MIPOL1: variants seen among roughly 807,000 people sequenced by gnomAD.
The protein encoded by MIPOL1 is mirror-image polydactyly 1, also known as mirror-image polydactyly gene 1 protein.
MIPOL1 carries 57 observed loss-of-function variants against 60.9 expected under a neutral mutation model. That is an observed-to-expected ratio of 0.94 (90% CI 0.76 to 1.17). MIPOL1 has a LOEUF of 1.17. MIPOL1 is among the 50% of genes most tolerant of loss of function. The pLI is 0.00. For synonymous variants in MIPOL1, 179 were observed against 168.8 expected (o/e 1.06, Z -0.47); for missense variants, 551 against 511.6 (o/e 1.08, Z -0.74).
intron 10 of MIPOL1, among the ~76,000 whole-genome samples, chr14:37,407,134 TTAAAA>T (rs1378572729): frequency 6.6e-6 from 1 of 152,150 alleles, no homozygotes; most frequent in Non-Finnish European, 1.5e-5. Flanking sequence ...TATAGAGTTG[TTAAAA>T]TAAATGATAG....
At chr14:37,418,967 C>A (rs1195653654) in intron 10 of MIPOL1, among the ~76,000 whole-genome samples, 1 of 151,974 alleles carries the variant, frequency 6.6e-6, no homozygotes, top group Non-Finnish European at 1.5e-5. Flanking sequence ...TGCACACTTA[C>A]CACAGGACTC....
chr14:37,527,926 A>C (rs2095457540), intron 12 of MIPOL1, among the ~76,000 whole-genome samples: 2 of 152,016 alleles, frequency 1.3e-5, no homozygotes, highest in Admixed American at 6.6e-5. Context: ...TAAGATCCTA[A>C]AACCCTTGGA....
intron 1 of MIPOL1, among the ~76,000 whole-genome samples, chr14:37,231,007 T>G (rs901410105): frequency 1.3e-5 from 2 of 152,182 alleles, no homozygotes; most frequent in African/African-American, 4.8e-5. Context: ...TACAGTTGAT[T>G]GGTGGAGTTA....
intron 11 of MIPOL1, among the ~76,000 whole-genome samples, chr14:37,426,617 T>G (rs1457960408): frequency 2.9e-5 from 3 of 103,844 alleles, no homozygotes; most frequent in Non-Finnish European, 6.1e-5. Flanking sequence ...ACATATATAA[T>G]ATGTATATAT....
chr14:37,205,470 GTTTTT>G (rs879260407), intron 1 of MIPOL1, among the ~76,000 whole-genome samples: 3 of 146,142 alleles, frequency 2.1e-5, no homozygotes, highest in Non-Finnish European at 4.5e-5. Context: ...AACACATTCA[GTTTTT>G]TTTTTTTAAT....
At position 37,550,616 on chromosome 14, in the gene MIPOL1, G is replaced by T. The variant is rs2095559570; in HGVS notation, c.*3645G>T. 1 of 152,288 alleles carries T rather than the reference G, an allele frequency of 6.6e-6. No individual in the cohort carries two copies. Among genetic ancestry groups the T allele is most frequent in the African/African-American group, 2.4e-5 (1 of 41,316 alleles). The allele number at this position is 152,288 out of a possible 1,614,324, so 9.4% of individuals were successfully genotyped here. A position where few individuals can be genotyped will look rare whatever the true frequency, so the allele number is the denominator to read the frequency against. On this transcript the variant is annotated 3_prime_UTR_variant, in exon 13 of 13. Coordinates refer to ENST00000684589, the MANE Select transcript of MIPOL1 (RefSeq NM_001388067.1). Reference sequence around the variant, plus strand: ...GTTTTGTTCATGTTTTATTGGAAATGCACGTGGTTTCTTAGGCTTTTAAAC... The same window carrying T: ...GTTTTGTTCATGTTTTATTGGAAATTCACGTGGTTTCTTAGGCTTTTAAAC...
intron 9 of MIPOL1, among the ~76,000 whole-genome samples, chr14:37,337,515 C>T (rs2090260067): frequency 6.7e-6 from 1 of 150,004 alleles, no homozygotes; most frequent in African/African-American, 2.5e-5. Flanking sequence ...ATTACAGGTG[C>T]CCACCACCAC....
intron 11 of MIPOL1, among the ~76,000 whole-genome samples, chr14:37,424,218 C>T (rs187946363): frequency 6.6e-6 from 1 of 152,246 alleles, no homozygotes; most frequent in East Asian, 1.9e-4. Context: ...TACTGATGTC[C>T]TAACCCCTGC....
At chr14:37,247,344 C>T (rs925052988) in intron 2 of MIPOL1, 104 bp downstream of exon 2, 1 of 152,078 alleles carries the variant, frequency 6.6e-6, no homozygotes. Context: ...TCATTAATTC[C>T]ACAAGTTAGT....
At chr14:37,205,507 G>A (rs538902910) in intron 1 of MIPOL1, among the ~76,000 whole-genome samples, 4 of 151,690 alleles carry the variant, frequency 2.6e-5, no homozygotes, top group Non-Finnish European at 5.9e-5. Flanking sequence ...TAGGGTACAT[G>A]TACACAAAGT....
intron 6 of MIPOL1, among the ~76,000 whole-genome samples, chr14:37,271,159 T>C (rs2083274708): frequency 6.6e-6 from 1 of 152,060 alleles, no homozygotes; most frequent in African/African-American, 2.4e-5. Flanking sequence ...TTTGATATGT[T>C]ATAGATACAA....
At chr14:37,217,565 C>T (rs984856859) in intron 1 of MIPOL1, among the ~76,000 whole-genome samples, 1 of 152,124 alleles carries the variant, frequency 6.6e-6, no homozygotes, top group Non-Finnish European at 1.5e-5. Flanking sequence ...GGGATTTTCC[C>T]TGGGATACAG....
chr14:37,477,787 C>A (rs1017175264), intron 11 of MIPOL1, among the ~76,000 whole-genome samples: 2 of 152,214 alleles, frequency 1.3e-5, no homozygotes, highest in Non-Finnish European at 2.9e-5. Flanking sequence ...CACAAGCACA[C>A]CTACAAAGTG....
chr14:37,234,361 C>CTTTTT (rs3061899), intron 1 of MIPOL1, among the ~76,000 whole-genome samples: 6 of 135,104 alleles, frequency 4.4e-5, no homozygotes, highest in Admixed American at 7.5e-5. Context: ...CTTTTCTTTT[C>CTTTTT]TTTTTTTTTT....
chr14:37,469,602 G>T (rs545957857), intron 11 of MIPOL1, among the ~76,000 whole-genome samples: 8 of 152,242 alleles, frequency 5.3e-5, no homozygotes, highest in African/African-American at 1.7e-4. Flanking sequence ...GCTTGCTATG[G>T]TTTGAATGTG....
intron 1 of MIPOL1, among the ~76,000 whole-genome samples, chr14:37,232,569 C>T (rs1203408713): frequency 6.6e-6 from 1 of 151,850 alleles, no homozygotes; most frequent in African/African-American, 2.4e-5. Flanking sequence ...ATTCTTTTTC[C>T]TCTTCTGTCA....
At chr14:37,449,785 CATTTATTTATTT>C (rs76200007) in intron 11 of MIPOL1, among the ~76,000 whole-genome samples, 4 of 151,682 alleles carry the variant, frequency 2.6e-5, no homozygotes, top group Admixed American at 6.6e-5. Context: ...TTTCTGATTA[CATTTATTTATTT>C]ATTTATTTAT....
At chr14:37,484,175 T>A (rs2094914209) in intron 11 of MIPOL1, among the ~76,000 whole-genome samples, 2 of 152,174 alleles carry the variant, frequency 1.3e-5, no homozygotes, top group Non-Finnish European at 2.9e-5. Context: ...TTGAATTCAT[T>A]TATGTGGGTT....
At chr14:37,236,239 T>C (rs1035354571) in intron 1 of MIPOL1, among the ~76,000 whole-genome samples, 1 of 152,024 alleles carries the variant, frequency 6.6e-6, no homozygotes, top group African/African-American at 2.4e-5. Flanking sequence ...AATTTTTTGA[T>C]AATAGTCATC....
Sources: gnomAD v4.1 joint callset for allele counts (sites outside exome capture counted in the v4.1 genomes callset) on GRCh38, gnomAD v4.1.1 for gene constraint, MANE v1.5 for transcripts, NCBI Gene and HGNC (gene_info 2026-07-23, HGNC 2026-07-21) for gene names.